CDH12: variants seen among roughly 807,000 people sequenced by gnomAD.
CDH12 encodes the protein cadherin-12.
Under a neutral mutation model 74.1 loss-of-function variants are expected in CDH12, and 41 were observed. That is an observed-to-expected ratio of 0.55 (90% CI 0.43 to 0.72). The LOEUF (loss-of-function observed/expected upper bound fraction) is 0.72. Ranked by LOEUF, CDH12 falls within the 30% of genes least tolerant of loss-of-function variation. CDH12 has a pLI of 0.00. For missense variants in CDH12, 945 were observed against 977.2 expected (o/e 0.97, Z 0.44); for synonymous variants, 399 against 355.0 (o/e 1.12, Z -1.39).
At chr5:22,117,500 TAA>T (rs1491454363) in intron 4 of CDH12, among the ~76,000 whole-genome samples, 9 of 74,922 alleles carry the variant, frequency 1.2e-4, no homozygotes, top group African/African-American at 5.1e-4. Flanking sequence ...TATATATATA[TAA>T]TATATATATA....
intron 4 of CDH12, among the ~76,000 whole-genome samples, chr5:22,093,210 T>A (rs1217148893): frequency 6.6e-6 from 1 of 151,884 alleles, no homozygotes; most frequent in African/African-American, 2.4e-5. Context: ...AGGTGTGGGG[T>A]GAGGTTTTGA....
chr5:21,933,006 T>A (rs7447008), intron 6 of CDH12, among the ~76,000 whole-genome samples: 110,757 of 150,508 alleles, frequency 0.74, 43,818 homozygotes, highest in East Asian at 0.93. Flanking sequence ...CTATTTTCAA[T>A]TGTAGAGAAA....
At chr5:22,496,597 T>A (rs1251230036) in intron 2 of CDH12, among the ~76,000 whole-genome samples, 2 of 152,190 alleles carry the variant, frequency 1.3e-5, no homozygotes, top group Non-Finnish European at 2.9e-5. Flanking sequence ...TGTCTTTATT[T>A]TGTTTTCGTA....
intron 6 of CDH12, among the ~76,000 whole-genome samples, chr5:21,944,717 C>CT (rs1281636816): frequency 1.3e-5 from 2 of 152,076 alleles, no homozygotes; most frequent in Admixed American, 6.6e-5. Context: ...TGAGTTGGCC[C>CT]CTACTCACCC....
At chr5:22,448,172 A>G (rs2126556430) in intron 2 of CDH12, among the ~76,000 whole-genome samples, 1 of 151,490 alleles carries the variant, frequency 6.6e-6, no homozygotes, top group South Asian at 2.1e-4. Context: ...AAAAAAAAAA[A>G]TTATATGTGT....
chr5:22,675,870 C>CATATATATATATATATATATATTTAT (rs144687047), intron 1 of CDH12, among the ~76,000 whole-genome samples: 2 of 92,156 alleles, frequency 2.2e-5, no homozygotes, highest in South Asian at 7.7e-4. Context: ...TTTTGTATCT[C>CATATATATATATATATATATATTTAT]ATATATATAT....
rs527569005 is a variant in CDH12, at chr5:21,906,410, T to C, written c.527-51620A>G. ...TAGCAACACCTTATTAGCTGCAGTA[T>C]AGCAAATAGGTACTGAAAAGAAATA... On this transcript the variant is annotated intron_variant, in intron 6 of 14. Coordinates refer to ENST00000382254, the MANE Select transcript of CDH12 (RefSeq NM_004061.5). Among the ~76,000 whole-genome samples, 140 of 152,314 alleles carry C rather than the reference T, an allele frequency of 9.2e-4. 1 individual carries two copies. The highest frequency in any genetic ancestry group is 3.1e-3 in the African/African-American group (129 of 41,578).
At chr5:21,866,955 C>T (rs10078810) in intron 6 of CDH12, among the ~76,000 whole-genome samples, 3,859 of 152,170 alleles carry the variant, frequency 0.025, 147 homozygotes, top group African/African-American at 0.085. Flanking sequence ...GTCCCAGACA[C>T]TAAAAAGGGC....
intron 3 of CDH12, among the ~76,000 whole-genome samples, chr5:22,290,546 C>T (rs1737339220): frequency 6.6e-6 from 1 of 151,896 alleles, no homozygotes; most frequent in African/African-American, 2.4e-5. Context: ...ATTGTTCAAA[C>T]AGGAGAGAGA....
At chr5:21,770,080 A>C (rs1015092401) in intron 11 of CDH12, among the ~76,000 whole-genome samples, 1 of 152,176 alleles carries the variant, frequency 6.6e-6, no homozygotes, top group Non-Finnish European at 1.5e-5. Context: ...AAGTATCCTC[A>C]CTGAGTCACA....
chr5:21,920,843 C>T (rs1257845717), intron 6 of CDH12, among the ~76,000 whole-genome samples: 8 of 151,876 alleles, frequency 5.3e-5, no homozygotes, highest in Non-Finnish European at 1.0e-4. Context: ...TTCAACAACC[C>T]AAAAACATTT....
At chr5:22,552,603 A>G (rs759679429) in intron 1 of CDH12, among the ~76,000 whole-genome samples, 7 of 151,946 alleles carry the variant, frequency 4.6e-5, no homozygotes, top group Admixed American at 2.6e-4. Context: ...TAATTTTTGT[A>G]TTTTTAATAG....
intron 2 of CDH12, among the ~76,000 whole-genome samples, chr5:22,449,882 T>C (rs1271140070): frequency 2.0e-5 from 3 of 152,046 alleles, no homozygotes; most frequent in African/African-American, 4.8e-5. Context: ...TTTGCATTTA[T>C]TGATATGGAC....
At chr5:22,219,771 C>T (rs114662903) in intron 3 of CDH12, among the ~76,000 whole-genome samples, 2,185 of 151,540 alleles carry the variant, frequency 0.014, 64 homozygotes, top group African/African-American at 0.049. Context: ...TCCTTGGGCT[C>T]GTTGCTTCAC....
rs118190484 is a variant in CDH12 at position 22,782,362 on chromosome 5, G to A, written c.-523+70696C>T. On this transcript the variant is annotated intron_variant, in intron 1 of 14. Transcript: ENST00000382254. ...CTGGATCATGGGGGTGGTTTCCCCC[G>A]TGCTGTTCTCATGATAGTGAAAGAG... Among the ~76,000 whole-genome samples, 36 of 152,206 alleles carry A rather than the reference G, an allele frequency of 2.4e-4. No individual in the cohort carries two copies. In the East Asian group the frequency reaches 4.3e-3, roughly 18 times the overall value.
intron 4 of CDH12, among the ~76,000 whole-genome samples, chr5:22,197,990 A>G (rs1561211877): frequency 1.3e-5 from 2 of 151,996 alleles, no homozygotes; most frequent in South Asian, 2.1e-4. Context: ...TCATTATGAT[A>G]AAAATAACAG....
At chr5:21,934,613 G>A (rs1462054907) in intron 6 of CDH12, among the ~76,000 whole-genome samples, 3 of 152,150 alleles carry the variant, frequency 2.0e-5, no homozygotes, top group Non-Finnish European at 4.4e-5. Flanking sequence ...GTTATACAAT[G>A]TGTGGATTTA....
At chr5:21,807,663 A>G (rs889663809) in intron 9 of CDH12, among the ~76,000 whole-genome samples, 6 of 152,100 alleles carry the variant, frequency 3.9e-5, no homozygotes, top group African/African-American at 1.4e-4. Context: ...AGCTATGGTT[A>G]TAGATATTTT....
At chr5:22,220,444 TA>T (rs1751972777) in intron 3 of CDH12, among the ~76,000 whole-genome samples, 10 of 151,774 alleles carry the variant, frequency 6.6e-5, no homozygotes, top group Non-Finnish European at 1.2e-4. Context: ...TATAAAAAAG[TA>T]GATTACATCC....
Sources: allele counts gnomAD v4.1 joint callset (sites outside exome capture counted in the v4.1 genomes callset), GRCh38; gene constraint gnomAD v4.1.1; transcripts MANE v1.5; gene names NCBI Gene and HGNC (gene_info 2026-07-23, HGNC 2026-07-21).